The following EPS15 variants were observed in gnomAD, a reference collection of about 807,000 sequenced individuals.
The protein encoded by EPS15 is epidermal growth factor receptor substrate 15.
Under a neutral mutation model 113.8 loss-of-function variants are expected in EPS15, and 72 were observed. The ratio of observed to expected loss-of-function variants is 0.63; its 90% CI spans 0.52 to 0.77. EPS15 has a LOEUF of 0.77. Ranked by LOEUF, EPS15 falls within the 30% of genes least tolerant of loss-of-function variation. EPS15 has a pLI of 0.00. For synonymous variants in EPS15, 344 were observed against 363.4 expected, an observed-to-expected ratio of 0.95 and a Z score of 0.61; for missense variants, 1,048 against 1,045.8, an observed-to-expected ratio of 1.00 and a Z score of -0.03.
intron 24 of EPS15, among the ~76,000 whole-genome samples, chr1:51,360,826 G>A (rs1276584939): frequency 6.6e-6 from 1 of 151,998 alleles, no homozygotes; most frequent in East Asian, 1.9e-4. Context: ...AGTGGGCAGA[G>A]AGCAATGACT....
rs192107835 is a variant in EPS15, at chr1:51,401,353, C to T, written c.1883-400G>A. ...TTATGGTCATTTGATTTTTGACAAG[C>T]GTATCAAGAACACAAAATGGAGAAA... On this transcript the variant is annotated intron_variant, in intron 18 of 24. Coordinates refer to ENST00000371733, the MANE Select transcript of EPS15 (RefSeq NM_001981.3). Among the ~76,000 whole-genome samples, 18 of 151,870 alleles carry T rather than the reference C, an allele frequency of 1.2e-4. No homozygotes were observed. In the East Asian group the frequency reaches 2.7e-3, roughly 23 times the overall value.
At chr1:51,357,672 A>T (rs1274553856) in intron 24 of EPS15, among the ~76,000 whole-genome samples, 1 of 150,348 alleles carries the variant, frequency 6.7e-6, no homozygotes, top group African/African-American at 2.4e-5. Context: ...AAAAAAAAAA[A>T]AGCTGATTTT....
At chr1:51,493,904 G>T (rs542062231) in intron 1 of EPS15, among the ~76,000 whole-genome samples, 1 of 151,814 alleles carries the variant, frequency 6.6e-6, no homozygotes, top group African/African-American at 2.4e-5. Flanking sequence ...CATGAGCCAC[G>T]GTGCCCAGCT....
At chr1:51,409,367 G>A (rs1253602452) in intron 14 of EPS15, among the ~76,000 whole-genome samples, 168 bp downstream of exon 14, 3 of 152,168 alleles carry the variant, frequency 2.0e-5, no homozygotes, top group Non-Finnish European at 4.4e-5. Context: ...CTCTAAAGAA[G>A]GCCTGTAATT....
intron 1 of EPS15, among the ~76,000 whole-genome samples, chr1:51,510,174 T>C (rs1481612697): frequency 6.6e-6 from 1 of 152,208 alleles, no homozygotes; most frequent in Non-Finnish European, 1.5e-5. Context: ...TATCCCACTA[T>C]TGACCTCCTC....
chr1:51,426,837 C>CTCTCTCTCTCTCTATATA lies in EPS15; in HGVS notation c.1041-4980_1041-4979insTATATAGAGAGAGAGAGA, dbSNP rs377211027. 2.3e-3 allele frequency among the ~76,000 whole-genome samples: 325 copies of CTCTCTCTCTCTCTATATA among 143,628 alleles called. 1 individual carries two copies. The highest frequency in any genetic ancestry group is 8.3e-3 in the African/African-American group (312 of 37,816). 94.2% of individuals were successfully genotyped at this position (143,628 alleles called of 152,430 possible). A position where few individuals can be genotyped will look rare whatever the true frequency, so the allele number is the denominator to read the frequency against. ...AATCTGTCTCTCTCTCTCTCTCTCT[C>CTCTCTCTCTCTCTATATA]TATATATATATATATACACACACAC... is the stretch of plus-strand genomic sequence containing the variant. On this transcript the variant is annotated intron_variant, in intron 12 of 24. Coordinates refer to ENST00000371733, the MANE Select transcript of EPS15 (RefSeq NM_001981.3).
chr1:51,392,779 G>A (rs567161503), intron 21 of EPS15, among the ~76,000 whole-genome samples: 130 of 152,196 alleles, frequency 8.5e-4, no homozygotes, highest in African/African-American at 3.0e-3. Flanking sequence ...TATCCTTAAC[G>A]TGATCTCCCC....
At chr1:51,450,262 C>T (rs575258764) in intron 8 of EPS15, among the ~76,000 whole-genome samples, 7 of 151,662 alleles carry the variant, frequency 4.6e-5, no homozygotes, top group Non-Finnish European at 8.8e-5. Context: ...TATTTTAGTC[C>T]GTTTTTGTAT....
chr1:51,400,238 C>T (rs1247492982), intron 19 of EPS15, among the ~76,000 whole-genome samples: 1 of 152,138 alleles, frequency 6.6e-6, no homozygotes, highest in Non-Finnish European at 1.5e-5. Flanking sequence ...AGATTCTCTG[C>T]CTCTAATCAC....
intron 10 of EPS15, 34 bp from the exon 11 acceptor site, chr1:51,445,079 T>C: frequency 6.4e-7 from 1 of 1,566,798 alleles, no homozygotes; most frequent in Non-Finnish European, 8.7e-7. Context: ...GGTATGTAAG[T>C]GCCACAACTG....
intron 1 of EPS15, among the ~76,000 whole-genome samples, chr1:51,515,950 GTAT>G (rs1001575161): frequency 1.3e-5 from 2 of 151,978 alleles, no homozygotes; most frequent in Non-Finnish European, 2.9e-5. Context: ...GAAGTTAACA[GTAT>G]TATTATTATT....
rs1646381333 is a variant in EPS15, at chr1:51,361,324, A to G, written c.2391T>C (p.Pro797=). The G allele has an allele frequency of 3.1e-6, 5 of 1,612,066 alleles. No individual in the cohort carries two copies. The highest frequency in any genetic ancestry group is 4.2e-6 in the Non-Finnish European group (5 of 1,179,318). The change falls in exon 24 of 25, where the codon CCT becomes CCC. Residue 797 remains proline, a synonymous_variant. Coordinates refer to ENST00000371733, the MANE Select transcript of EPS15 (RefSeq NM_001981.3). ...GKRSINKLDS[P]DPFKLNDPFQ... The stretch of plus-strand genomic sequence containing the variant: ...ATGGATCATTCAGTTTAAAGGGATC[A>G]GGAGAATCCAATTTGTTGATGGATC...
Position 51,409,629 on chromosome 1 carries a change from A to G in EPS15, c.1181T>C (p.Val394Ala). ...LQKLQAQKQQ[V>A]QELLDELDEQ... ...ATCCAGTTCATCAAGGAGTTCCTGTACCTGCTGTTTCTGGGCCTGTAGTTT... is the reference window on the plus strand; with the variant it reads ...ATCCAGTTCATCAAGGAGTTCCTGTGCCTGCTGTTTCTGGGCCTGTAGTTT... Residue 394 changes from valine (V) to alanine (A), a missense_variant, in exon 14 of 25, where the codon GTA (valine) becomes GCA (alanine). Transcript: ENST00000371733. 1.2e-6 allele frequency: 2 copies of G among 1,613,768 alleles called. No homozygotes were observed. Among genetic ancestry groups the G allele is most frequent in the Non-Finnish European group, 1.7e-6 (2 of 1,179,772 alleles).
At chr1:51,396,790 T>A (rs879463680) in intron 20 of EPS15, among the ~76,000 whole-genome samples, 46 of 152,312 alleles carry the variant, frequency 3.0e-4, no homozygotes, top group Non-Finnish European at 4.9e-4. Context: ...GGCAATTTTT[T>A]AAAAATTTCC....
At chr1:51,485,161 G>A (rs905455422) in intron 1 of EPS15, among the ~76,000 whole-genome samples, 1 of 152,172 alleles carries the variant, frequency 6.6e-6, no homozygotes, top group African/African-American at 2.4e-5. Flanking sequence ...CACTATTAAT[G>A]AGTCAGCTTC....
rs533161618 is a variant in EPS15 at position 51,356,130 on chromosome 1, C to T, written c.*570G>A. The T allele has an allele frequency of 4.7e-4, 97 of 208,308 alleles. 1 individual carries two copies. The South Asian group carries it at 8.1e-3, about 17-fold the overall frequency. The allele number at this position is 208,308 out of a possible 1,614,324, so 12.9% of individuals were successfully genotyped here. On this transcript the variant is annotated 3_prime_UTR_variant, in exon 25 of 25. Transcript: ENST00000371733. The stretch of plus-strand genomic sequence containing the variant: ...TATAATGGTTCAACCTACAGCATCC[C>T]TTTTCCATAGTGGAGTAAATCTGTG...
At chr1:51,426,837 C>CTCTCTATATA (rs377211027) in intron 12 of EPS15, among the ~76,000 whole-genome samples, 2,076 of 143,516 alleles carry the variant, frequency 0.014, 23 homozygotes, top group Non-Finnish European at 0.021. Flanking sequence ...CTCTCTCTCT[C>CTCTCTATATA]TATATATATA....
intron 21 of EPS15, among the ~76,000 whole-genome samples, chr1:51,376,761 G>A (rs1053269034): frequency 6.6e-6 from 1 of 152,204 alleles, no homozygotes; most frequent in Non-Finnish European, 1.5e-5. Context: ...GATGAATGTT[G>A]TTTTCATGCC....
intron 21 of EPS15, among the ~76,000 whole-genome samples, chr1:51,389,219 A>G (rs1251281434): frequency 1.3e-5 from 2 of 152,346 alleles, no homozygotes; most frequent in Admixed American, 6.5e-5. Context: ...GACAAAAACC[A>G]CATGATTATC....
Sources: allele counts gnomAD v4.1 joint callset (sites outside exome capture counted in the v4.1 genomes callset), GRCh38; gene constraint gnomAD v4.1.1; transcripts MANE v1.5; gene names NCBI Gene and HGNC (gene_info 2026-07-23, HGNC 2026-07-21).